RSPRY1: variants seen among roughly 807,000 people sequenced by gnomAD.
RSPRY1 encodes RING finger and SPRY domain-containing protein 1.
A neutral mutation model predicts 73.1 loss-of-function variants in RSPRY1; 23 were observed. The ratio of observed to expected loss-of-function variants is 0.31; its 90% CI spans 0.23 to 0.45. The LOEUF is 0.45. Among genes scored for constraint, RSPRY1 ranks in the 20% least tolerant of loss-of-function variants. The pLI, the probability that RSPRY1 is intolerant of heterozygous loss-of-function variation, is 1.00. For synonymous variants in RSPRY1, 226 were observed against 251.4 expected (o/e 0.90, Z 0.95); for missense variants, 448 against 698.7 (o/e 0.64, Z 4.05).
chr16:57,233,456 C>T (rs767156090), intron 13 of RSPRY1, among the ~76,000 whole-genome samples: 4 of 152,092 alleles, frequency 2.6e-5, no homozygotes, highest in Non-Finnish European at 5.9e-5. Context: ...ATTGCAACCT[C>T]CATCTCCCAG....
At chr16:57,211,395 C>T (rs561838595) in intron 4 of RSPRY1, among the ~76,000 whole-genome samples, 43 of 152,098 alleles carry the variant, frequency 2.8e-4, no homozygotes, top group African/African-American at 1.0e-3. Flanking sequence ...CATGGTGAAA[C>T]CTCATCTCTA....
intron 1 of RSPRY1, among the ~76,000 whole-genome samples, chr16:57,190,932 C>T (rs1483003862): frequency 6.6e-6 from 1 of 151,930 alleles, no homozygotes; most frequent in Non-Finnish European, 1.5e-5. Context: ...GAGAACATTC[C>T]GCTTTGTTTC....
intron 1 of RSPRY1, among the ~76,000 whole-genome samples, chr16:57,201,607 A>T (rs2074609526): frequency 6.6e-6 from 1 of 152,350 alleles, no homozygotes; most frequent in South Asian, 2.1e-4. Context: ...CAAGGCAGGC[A>T]GCTGGGGAGG....
chr16:57,220,636 A>G, intron 8 of RSPRY1, 96 bp from the exon 9 acceptor site: 3 of 667,864 alleles, frequency 4.5e-6, no homozygotes, highest in African/African-American at 3.6e-5. Context: ...GATGCCCTTT[A>G]TTTCTTCCTC....
chr16:57,195,993 G>T (rs2074436593), intron 1 of RSPRY1, among the ~76,000 whole-genome samples: 1 of 145,880 alleles, frequency 6.9e-6, no homozygotes, highest in Non-Finnish European at 1.5e-5. Flanking sequence ...CTGGACTCCA[G>T]CCTGGCGACA....
intron 1 of RSPRY1, among the ~76,000 whole-genome samples, chr16:57,194,678 G>T (rs2074408567): frequency 6.6e-6 from 1 of 152,058 alleles, no homozygotes. Flanking sequence ...CTTCTTTATG[G>T]TCACTCTTGT....
At chr16:57,196,034 A>AAAAT (rs1555499007) in intron 1 of RSPRY1, among the ~76,000 whole-genome samples, 58 of 122,792 alleles carry the variant, frequency 4.7e-4, no homozygotes, top group African/African-American at 1.1e-3. Context: ...AAAAAAAAAA[A>AAAAT]ATATATATAT....
intron 11 of RSPRY1, among the ~76,000 whole-genome samples, chr16:57,228,357 G>C (rs2146355698): frequency 6.7e-6 from 1 of 149,520 alleles, no homozygotes; most frequent in Non-Finnish European, 1.5e-5. Flanking sequence ...TGGTGGTGTG[G>C]GAAAAAAATC....
intron 2 of RSPRY1, among the ~76,000 whole-genome samples, chr16:57,206,933 C>G (rs1337289947): frequency 6.6e-6 from 1 of 152,160 alleles, no homozygotes; most frequent in Non-Finnish European, 1.5e-5. Context: ...TTCTCAACAT[C>G]GAAATCTGTG....
At chr16:57,237,421 G>A (rs2075316255) in intron 14 of RSPRY1, among the ~76,000 whole-genome samples, 1 of 152,080 alleles carries the variant, frequency 6.6e-6, no homozygotes, top group South Asian at 2.1e-4. Flanking sequence ...TGGGATTACA[G>A]GCATGAGTCA....
chr16:57,202,717 G>A (rs1279975085), intron 1 of RSPRY1, among the ~76,000 whole-genome samples: 4 of 152,016 alleles, frequency 2.6e-5, no homozygotes, highest in African/African-American at 9.7e-5. Flanking sequence ...AACATCTGTG[G>A]TATCACTTGG....
intron 1 of RSPRY1, among the ~76,000 whole-genome samples, chr16:57,188,768 G>C (rs1335029236): frequency 2.0e-5 from 3 of 151,908 alleles, no homozygotes; most frequent in African/African-American, 7.3e-5. Context: ...CGCCTGCCTC[G>C]GCCTCCCAAA....
intron 1 of RSPRY1, among the ~76,000 whole-genome samples, chr16:57,199,688 A>AT (rs1249901555): frequency 4.0e-4 from 61 of 151,520 alleles, no homozygotes; most frequent in Non-Finnish European, 7.1e-4. Flanking sequence ...CTAGATAAAG[A>AT]TTTTTTTTTA....
intron 4 of RSPRY1, among the ~76,000 whole-genome samples, chr16:57,210,027 T>TGCCC (rs2074805889): frequency 9.7e-6 from 1 of 103,354 alleles, no homozygotes; most frequent in African/African-American, 3.9e-5. Flanking sequence ...CTTTCTTTCT[T>TGCCC]TCCCTCCCTC....
At position 57,239,628 on chromosome 16, in the gene RSPRY1, T is replaced by G. The variant is rs1421613410; in HGVS notation, c.*653T>G. On this transcript the variant is annotated 3_prime_UTR_variant, in exon 15 of 15. Transcript: ENST00000394420. ...TGTTTTTTGGGTTTTTTTTTTTTAC[T>G]GCAGAAAATTGGTGGTATTTTCACA... 6.6e-6 allele frequency: 1 copy of G among 151,400 alleles called. No homozygotes were observed. The highest frequency in any genetic ancestry group is 1.5e-5 in the Non-Finnish European group (1 of 67,862). 9.4% of individuals were successfully genotyped at this position (151,400 alleles called of 1,614,324 possible). A position where few individuals can be genotyped will look rare whatever the true frequency, so the allele number is the denominator to read the frequency against.
intron 5 of RSPRY1, among the ~76,000 whole-genome samples, chr16:57,213,650 T>C (rs2074886926): frequency 6.6e-6 from 1 of 152,242 alleles, no homozygotes; most frequent in Non-Finnish European, 1.5e-5. Context: ...TCAGAACATG[T>C]GGCTACTGGT....
intron 14 of RSPRY1, among the ~76,000 whole-genome samples, chr16:57,236,834 C>T (rs1379597355): frequency 6.6e-6 from 1 of 152,004 alleles, no homozygotes; most frequent in African/African-American, 2.4e-5. Flanking sequence ...ACGCAACTGG[C>T]AGGGGGAGTT....
At chr16:57,203,393 C>T (rs2074662410) in intron 1 of RSPRY1, among the ~76,000 whole-genome samples, 2 of 152,160 alleles carry the variant, frequency 1.3e-5, no homozygotes, top group Non-Finnish European at 2.9e-5. Context: ...CTGGTCAGTG[C>T]TCAAGGTATG....
At chr16:57,206,143 C>T (rs2074720581) in intron 2 of RSPRY1, among the ~76,000 whole-genome samples, 1 of 152,160 alleles carries the variant, frequency 6.6e-6, no homozygotes, top group Non-Finnish European at 1.5e-5. Flanking sequence ...TGGCTCATAC[C>T]TGTAATTCCA....
Sources: gnomAD v4.1 joint callset for allele counts (sites outside exome capture counted in the v4.1 genomes callset) on GRCh38, gnomAD v4.1.1 for gene constraint, MANE v1.5 for transcripts, NCBI Gene and HGNC (gene_info 2026-07-23, HGNC 2026-07-21) for gene names.